ANKRD17: variants seen among roughly 807,000 people sequenced by gnomAD.
ANKRD17 encodes the protein ankyrin repeat domain-containing protein 17.
A neutral mutation model predicts 229.7 loss-of-function variants in ANKRD17; 19 were observed. The observed-to-expected ratio is 0.08, with a 90% confidence interval of 0.06 to 0.12. The LOEUF (loss-of-function observed/expected upper bound fraction) is 0.12. Among genes scored for constraint, ANKRD17 ranks in the 10% least tolerant of loss-of-function variants. The pLI is 1.00. For missense variants in ANKRD17, 2,176 were observed against 3,176.8 expected, an observed-to-expected ratio of 0.68 and a Z score of 7.57; for synonymous variants, 1,112 against 1,146.1, an observed-to-expected ratio of 0.97 and a Z score of 0.60.
At chr4:73,131,043 C>T (rs1393482288) in intron 16 of ANKRD17, among the ~76,000 whole-genome samples, 1 of 152,136 alleles carries the variant, frequency 6.6e-6, no homozygotes, top group East Asian at 1.9e-4. Flanking sequence ...CAGAGCAATG[C>T]TATCAAAAGG....
chr4:73,250,466 A>G (rs1744890352), intron 1 of ANKRD17, among the ~76,000 whole-genome samples: 1 of 151,338 alleles, frequency 6.6e-6, no homozygotes, highest in Non-Finnish European at 1.5e-5. Context: ...AGCCAGGCGC[A>G]GTGGCTCACG....
At position 73,085,478 on chromosome 4, in the gene ANKRD17, T is replaced by C. The variant is rs1174087287; in HGVS notation, c.6962-32A>G. The C allele has an allele frequency of 3.2e-6, 5 of 1,552,566 alleles. No homozygotes were observed. In the Admixed American group the frequency reaches 8.4e-5, roughly 26 times the overall value. On this transcript the variant is annotated intron_variant, in intron 29 of 33. Transcript: ENST00000358602. ...TGTAGAAGGTCATCATAATTTATAA[T>C]AGTTACTCCTGCAAGAAATAGAGAT...
chr4:73,078,238 G>T (rs1206141587), intron 31 of ANKRD17, among the ~76,000 whole-genome samples: 1 of 152,200 alleles, frequency 6.6e-6, no homozygotes, highest in African/African-American at 2.4e-5. Flanking sequence ...TTAGCCGGGC[G>T]TGGTGGCGGG....
chr4:73,214,639 T>G (rs1230944340), intron 1 of ANKRD17, among the ~76,000 whole-genome samples: 1 of 145,884 alleles, frequency 6.9e-6, no homozygotes, highest in Admixed American at 6.9e-5. Flanking sequence ...AATTTTGTAT[T>G]AAAAAAAAAA....
At chr4:73,154,486 T>A (rs2148881090) in intron 5 of ANKRD17, among the ~76,000 whole-genome samples, 1 of 152,290 alleles carries the variant, frequency 6.6e-6, no homozygotes, top group South Asian at 2.1e-4. Context: ...AAGCTTTTTT[T>A]TAATTTTAAT....
intron 1 of ANKRD17, among the ~76,000 whole-genome samples, chr4:73,201,489 A>C (rs1173016631): frequency 6.6e-6 from 1 of 152,096 alleles, no homozygotes; most frequent in Non-Finnish European, 1.5e-5. Flanking sequence ...TGCGTGAGGA[A>C]AAAAAGCAAG....
chr4:73,175,800 T>C (rs562244903), intron 2 of ANKRD17, among the ~76,000 whole-genome samples: 1 of 152,114 alleles, frequency 6.6e-6, no homozygotes, highest in Non-Finnish European at 1.5e-5. Flanking sequence ...TATACAAAAA[T>C]AGAATCAAAA....
intron 21 of ANKRD17, among the ~76,000 whole-genome samples, chr4:73,119,804 G>T (rs188782270): frequency 9.4e-4 from 143 of 152,294 alleles, no homozygotes; most frequent in Non-Finnish European, 2.2e-4. Flanking sequence ...TTACTGTGAA[G>T]AACAAGAAAA....
At chr4:73,109,525 A>G (rs1725047713) in intron 24 of ANKRD17, among the ~76,000 whole-genome samples, 2 of 152,254 alleles carry the variant, frequency 1.3e-5, no homozygotes, top group Middle Eastern at 6.8e-3. Context: ...TCAGGATGCA[A>G]GGTCACCTAC....
At chr4:73,098,983 TA>T in intron 25 of ANKRD17, 1 of 983,758 alleles carries the variant, frequency 1.0e-6, no homozygotes, top group Non-Finnish European at 1.6e-6. Context: ...TGCCAACACC[TA>T]AGAGACCTTG....
intron 1 of ANKRD17, among the ~76,000 whole-genome samples, chr4:73,246,021 C>A (rs1578513805): frequency 6.6e-6 from 1 of 152,270 alleles, no homozygotes; most frequent in East Asian, 1.9e-4. Flanking sequence ...AAGTTGTACA[C>A]TTCCTAGGGA....
intron 10 of ANKRD17, 89 bp from the exon 11 acceptor site, chr4:73,144,921 C>T: frequency 2.6e-6 from 2 of 777,386 alleles, no homozygotes; most frequent in South Asian, 2.4e-5. Flanking sequence ...AATAATTGGA[C>T]TGATTTCTGA....
chr4:73,082,279 G>C (rs1433313540), intron 30 of ANKRD17, among the ~76,000 whole-genome samples: 1 of 151,908 alleles, frequency 6.6e-6, no homozygotes, highest in Non-Finnish European at 1.5e-5. Context: ...AGTCCAGTCT[G>C]GGCAACATGG....
chr4:73,140,229 T>C lies in ANKRD17; in HGVS notation c.2387A>G (p.Gln796Arg). 6.2e-7 allele frequency: 1 copy of C among 1,607,772 alleles called. No individual in the cohort carries two copies. Among genetic ancestry groups the C allele is most frequent in the East Asian group, 2.2e-5 (1 of 44,862 alleles). Residue 796 changes from glutamine to arginine, a missense_variant, in exon 15 of 34, where the codon CAG becomes CGG. This residue lies in a region of ANKRD17 where 275 missense variants were observed against 386.9 expected (regional missense o/e 0.71). Transcript: ENST00000358602. ...SHLPANSQDV[Q>R]GYITNQSPES... ...TGGAGACTGATTGGTGATGTAACCC[T>C]GTACATCCTGGCTGTTTGCTGGCAA...
intron 27 of ANKRD17, among the ~76,000 whole-genome samples, chr4:73,096,442 C>A (rs577074053): frequency 6.6e-6 from 1 of 152,056 alleles, no homozygotes; most frequent in Non-Finnish European, 1.5e-5. Flanking sequence ...GTCTAAAATA[C>A]GGAGGAAATA....
Position 73,092,163 on chromosome 4 carries a change from G to A in ANKRD17, c.5465C>T (p.Ala1822Val). 1.2e-6 allele frequency: 2 copies of A among 1,614,114 alleles called. No individual in the cohort carries two copies. Among genetic ancestry groups the A allele is most frequent in the South Asian group, 2.2e-5 (2 of 91,070 alleles). ...AGTGTTAGCAGCAGTGGTGGTAGGT[G>A]CTGATGACCCTATTTTGGAATTTGC... ...SSANSKIGSS[A>V]PTTTAANTSL... Residue 1822 changes from alanine to valine, a missense_variant, in exon 29 of 34, where the codon GCA (alanine) becomes GTA (valine). By Grantham distance (64) the Ala-to-Val change is moderately conservative. Transcript: ENST00000358602.
chr4:73,122,944 T>C (rs974557872), intron 18 of ANKRD17, among the ~76,000 whole-genome samples: 2 of 152,134 alleles, frequency 1.3e-5, no homozygotes, highest in African/African-American at 4.8e-5. Context: ...CAAAAATGTA[T>C]GATTTTTATA....
In ANKRD17 at chr4:73,097,185, C is replaced by T. The variant is rs1723396159; in HGVS notation, c.5109G>A (p.Gly1703=). 6.2e-7 allele frequency: 1 copy of T among 1,612,266 alleles called. No individual in the cohort carries two copies. Among genetic ancestry groups the T allele is most frequent in the Non-Finnish European group, 8.5e-7 (1 of 1,179,342 alleles). ...GCTTAGGACTTGCTACTGTTAACTT[C>T]CCATTTGGAGAAGAAAGGGGAGATG... ...SGPSPLSSPN[G]KLTVASPKRG... The change falls in exon 27 of 34, where the codon GGG becomes GGA. Residue 1703 remains glycine (G), a synonymous_variant. Coordinates refer to ENST00000358602, the MANE Select transcript of ANKRD17 (RefSeq NM_032217.5).
In ANKRD17 at chr4:73,076,956, T is replaced by C. The variant is rs779294613; in HGVS notation, c.7736A>G (p.Asn2579Ser). The C allele has an allele frequency of 1.9e-6, 3 of 1,611,102 alleles. No homozygotes were observed. The highest frequency in any genetic ancestry group is 2.2e-5 in the South Asian group (2 of 90,240). ...CAGCCTCACCGTTTGAGGGCCATTA[T>C]TTTCCGTGGAGCTGGAAACCATCTT... ...LIKMVSSSTE[N>S]NGPQTVWTGP... The change falls in exon 33 of 34, where the codon AAT (asparagine) becomes AGT (serine). Residue 2579 changes from asparagine (N) to serine (S), a missense_variant. Asn to Ser is a conservative substitution (Grantham distance 46). This residue lies in a region of ANKRD17 where 159 missense variants were observed against 214.3 expected (regional missense o/e 0.74). Transcript: ENST00000358602.
Sources: allele counts gnomAD v4.1 joint callset (sites outside exome capture counted in the v4.1 genomes callset), GRCh38; gene constraint gnomAD v4.1.1; regional missense constraint gnomAD v4.1.1; transcripts MANE v1.5; gene names NCBI Gene and HGNC (gene_info 2026-07-23, HGNC 2026-07-21).